The following OPCML variants were observed in gnomAD, a reference collection of about 807,000 sequenced individuals.
The protein encoded by OPCML is opioid binding protein/cell adhesion molecule like.
In OPCML, 13 loss-of-function variants were observed where a neutral mutation model predicts 37.8. The observed-to-expected ratio is 0.34, with a 90% confidence interval of 0.22 to 0.55. The LOEUF (loss-of-function observed/expected upper bound fraction) is 0.55, where lower values mean the gene tolerates loss of function less well. Ranked by LOEUF, OPCML falls within the 20% of genes least tolerant of loss-of-function variation. The pLI is 0.91. For missense variants in OPCML, 341 were observed against 435.6 expected (o/e 0.78, Z 1.93); for synonymous variants, 176 against 168.8 (o/e 1.04, Z -0.33).
intron 4 of OPCML, among the ~76,000 whole-genome samples, chr11:132,499,852 A>G (rs1565615954): frequency 6.6e-6 from 1 of 152,228 alleles, no homozygotes; most frequent in South Asian, 2.1e-4. Context: ...TGTTCTGCCA[A>G]CAGGGAACAC....
chr11:132,573,279 A>G (rs1056438121), intron 3 of OPCML, among the ~76,000 whole-genome samples: 6 of 151,856 alleles, frequency 4.0e-5, no homozygotes, highest in Admixed American at 3.9e-4. Flanking sequence ...CTCCAGGACT[A>G]TTTTAAATAG....
At chr11:133,209,686 T>C (rs1168628660) in intron 1 of OPCML, among the ~76,000 whole-genome samples, 1 of 152,194 alleles carries the variant, frequency 6.6e-6, no homozygotes, top group African/African-American at 2.4e-5. Flanking sequence ...AGTAGACTTC[T>C]ATGAATGGTG....
intron 3 of OPCML, among the ~76,000 whole-genome samples, chr11:132,604,974 A>G (rs1288262882): frequency 6.6e-6 from 1 of 152,186 alleles, no homozygotes; most frequent in Non-Finnish European, 1.5e-5. Flanking sequence ...TACCCATTAT[A>G]AGAAATAAAT....
At chr11:133,503,933 A>C (rs1947971453) in intron 1 of OPCML, among the ~76,000 whole-genome samples, 1 of 152,204 alleles carries the variant, frequency 6.6e-6, no homozygotes, top group South Asian at 2.1e-4. Flanking sequence ...AAGTGTGGGC[A>C]GGGAAGGCGG....
At chr11:133,418,173 C>A (rs767159033) in intron 1 of OPCML, 91 of 985,282 alleles carry the variant, frequency 9.2e-5, no homozygotes, top group Non-Finnish European at 1.0e-4. Context: ...ATACTCTCGC[C>A]TGTCTGCCAT....
At chr11:133,415,271 G>A (rs1409466092) in intron 1 of OPCML, among the ~76,000 whole-genome samples, 4 of 151,730 alleles carry the variant, frequency 2.6e-5, no homozygotes, top group Non-Finnish European at 4.4e-5. Context: ...TTAGCCCGGC[G>A]TGGTGGCGGG....
chr11:132,581,534 G>A (rs944811066), intron 3 of OPCML, among the ~76,000 whole-genome samples: 3 of 152,154 alleles, frequency 2.0e-5, no homozygotes, highest in Non-Finnish European at 2.9e-5. Context: ...GTTTTGAAAA[G>A]TAAATTATTT....
chr11:132,672,750 C>T (rs929853785), intron 2 of OPCML, among the ~76,000 whole-genome samples: 3 of 152,136 alleles, frequency 2.0e-5, no homozygotes, highest in Non-Finnish European at 4.4e-5. Flanking sequence ...CCCAACCCCT[C>T]TCTATTAACA....
chr11:132,759,123 A>G (rs184539593), intron 2 of OPCML, among the ~76,000 whole-genome samples: 12 of 152,284 alleles, frequency 7.9e-5, no homozygotes, highest in Admixed American at 6.5e-4. Flanking sequence ...TGTATGTTGA[A>G]CCAGCCTTGC....
intron 2 of OPCML, among the ~76,000 whole-genome samples, chr11:132,820,204 C>G (rs527501906): frequency 6.6e-6 from 1 of 152,164 alleles, no homozygotes; most frequent in African/African-American, 2.4e-5. Context: ...GGTCATTAAC[C>G]TCTAGTTAAT....
chr11:133,295,326 C>G (rs1006539085), intron 1 of OPCML, among the ~76,000 whole-genome samples: 3 of 152,118 alleles, frequency 2.0e-5, no homozygotes, highest in Non-Finnish European at 4.4e-5. Context: ...AGTGGTAAAA[C>G]TAGGCATTCC....
chr11:132,903,417 C>G (rs1486433970), intron 2 of OPCML, among the ~76,000 whole-genome samples: 1 of 152,140 alleles, frequency 6.6e-6, no homozygotes, highest in African/African-American at 2.4e-5. Flanking sequence ...CTGTTGTAAA[C>G]CAAAAATAAA....
intron 1 of OPCML, among the ~76,000 whole-genome samples, chr11:133,513,894 G>A (rs1019787993): frequency 1.3e-5 from 2 of 152,158 alleles, no homozygotes; most frequent in South Asian, 4.1e-4. Context: ...ATCTAAAATT[G>A]TTGTTGTCAG....
At chr11:132,957,710 G>A (rs1230934539) in intron 1 of OPCML, among the ~76,000 whole-genome samples, 1 of 151,942 alleles carries the variant, frequency 6.6e-6, no homozygotes, top group Non-Finnish European at 1.5e-5. Context: ...GGTAACTATT[G>A]CAATATTTCA....
At chr11:132,965,531 TTTTG>T (rs949337465) in intron 1 of OPCML, among the ~76,000 whole-genome samples, 30 of 152,156 alleles carry the variant, frequency 2.0e-4, no homozygotes, top group African/African-American at 5.5e-4. Flanking sequence ...GTTTGTTGTT[TTTTG>T]TTTGTTTGTT....
At chr11:133,109,610 G>A (rs188821638) in intron 1 of OPCML, among the ~76,000 whole-genome samples, 3 of 152,278 alleles carry the variant, frequency 2.0e-5, no homozygotes, top group Non-Finnish European at 4.4e-5. Flanking sequence ...CCTCTTGTAA[G>A]AAAAGTTCTC....
At chr11:132,823,241 A>C (rs1471346220) in intron 2 of OPCML, among the ~76,000 whole-genome samples, 2 of 151,886 alleles carry the variant, frequency 1.3e-5, no homozygotes, top group East Asian at 3.9e-4. Flanking sequence ...ACACCTCCAC[A>C]CGTCTTGCCA....
Position 132,433,919 on chromosome 11 carries a change from A to T in OPCML, c.916+2167T>A, listed in dbSNP as rs192786122. ...ATAATAAATGTCTGTTGTTTAAGCT[A>T]TCCCATCGGTAGTATTTTGTTACAG... On this transcript the variant is annotated intron_variant, in intron 7 of 7. Transcript: ENST00000524381. 3.9e-5 allele frequency among the ~76,000 whole-genome samples: 6 copies of T among 152,342 alleles called. No individual in the cohort carries two copies. The East Asian group carries it at 1.2e-3, about 29-fold the overall frequency.
chr11:132,442,022 T>G (rs1337583280), intron 4 of OPCML, among the ~76,000 whole-genome samples: 1 of 152,200 alleles, frequency 6.6e-6, no homozygotes, highest in East Asian at 1.9e-4. Flanking sequence ...CTGGCTGGCC[T>G]GCTGGCTCTG....
Sources: allele counts gnomAD v4.1 joint callset (sites outside exome capture counted in the v4.1 genomes callset), GRCh38; gene constraint gnomAD v4.1.1; transcripts MANE v1.5; gene names NCBI Gene and HGNC (gene_info 2026-07-23, HGNC 2026-07-21).